Variants in KAT2B observed in about 807,000 individuals in gnomAD.
KAT2B encodes the protein histone acetyltransferase KAT2B.
KAT2B carries 36 observed loss-of-function variants against 105.9 expected under a neutral mutation model. The ratio of observed to expected loss-of-function variants is 0.34; its 90% confidence interval spans 0.26 to 0.45. The LOEUF is 0.45. Among genes scored for constraint, KAT2B ranks in the 20% least tolerant of loss-of-function variants. The pLI is 1.00. For synonymous variants in KAT2B, 397 were observed against 377.9 expected (o/e 1.05, Z -0.59); for missense variants, 820 against 1,021.6 (o/e 0.80, Z 2.69).
chr3:20,044,676 C>T (rs537051508), intron 1 of KAT2B, among the ~76,000 whole-genome samples: 3 of 152,258 alleles, frequency 2.0e-5, no homozygotes, highest in African/African-American at 7.2e-5. Context: ...AACTCCCAAC[C>T]CTTCCTATAG....
intron 2 of KAT2B, among the ~76,000 whole-genome samples, chr3:20,083,588 TG>T (rs1293579454): frequency 6.6e-6 from 1 of 152,196 alleles, no homozygotes; most frequent in Non-Finnish European, 1.5e-5. Flanking sequence ...TCTCTGGATC[TG>T]GTAGAGATGG....
chr3:20,065,396 T>G (rs1469095073), intron 1 of KAT2B, among the ~76,000 whole-genome samples: 1 of 152,162 alleles, frequency 6.6e-6, no homozygotes, highest in Non-Finnish European at 1.5e-5. Flanking sequence ...CATGCCTAAT[T>G]AAGGAGAGAC....
chr3:20,043,727 TTAA>T (rs746135373), intron 1 of KAT2B, among the ~76,000 whole-genome samples: 2 of 125,508 alleles, frequency 1.6e-5, no homozygotes, highest in South Asian at 4.9e-4. Context: ...TTTGCTTTTT[TTAA>T]AAAAAAAAAA....
At chr3:20,086,538 C>T (rs571538766) in intron 2 of KAT2B, among the ~76,000 whole-genome samples, 51 of 152,284 alleles carry the variant, frequency 3.3e-4, no homozygotes, top group Middle Eastern at 3.4e-3. Context: ...GAGGTCAAGG[C>T]TGCAGTGAGC....
rs1433554615 is a variant in KAT2B, at chr3:20,126,125, T to G, written c.1622+12T>G. 1 of 1,565,944 alleles carries G rather than the reference T, an allele frequency of 6.4e-7. No homozygotes were observed. Among genetic ancestry groups the G allele is most frequent in the Non-Finnish European group, 8.7e-7 (1 of 1,151,758 alleles). Reference sequence around the variant, plus strand: ...CTCGTCTTTGACCCGTAAGTGGTACTTTCTGTTCCTTCTTCCTTATTTCCT... The same window carrying G: ...CTCGTCTTTGACCCGTAAGTGGTACGTTCTGTTCCTTCTTCCTTATTTCCT... On this transcript the variant is annotated intron_variant, in intron 10 of 17. Coordinates refer to ENST00000263754, the MANE Select transcript of KAT2B (RefSeq NM_003884.5).
At chr3:20,139,308 C>T (rs1377983217) in intron 12 of KAT2B, among the ~76,000 whole-genome samples, 1 of 151,932 alleles carries the variant, frequency 6.6e-6, no homozygotes, top group African/African-American at 2.4e-5. Context: ...ATTATCTTCT[C>T]ATTGTTTGAG....
intron 1 of KAT2B, among the ~76,000 whole-genome samples, chr3:20,042,394 G>A (rs967010985): frequency 2.6e-5 from 4 of 152,310 alleles, no homozygotes; most frequent in East Asian, 1.9e-4. Context: ...GACACCGACT[G>A]TAGTAGGCAG....
Position 20,111,807 on chromosome 3 carries a change from G to A in KAT2B, c.1043+20G>A. 6.3e-7 allele frequency: 1 copy of A among 1,597,744 alleles called. No homozygotes were observed. Among genetic ancestry groups the A allele is most frequent in the Non-Finnish European group, 8.5e-7 (1 of 1,170,568 alleles). On this transcript the variant is annotated intron_variant, in intron 6 of 17. Coordinates refer to ENST00000263754, the MANE Select transcript of KAT2B (RefSeq NM_003884.5). Reference sequence around the variant, plus strand: ...CCCAAAGTAAGGGAGAGTTTTTGCTGGTCTTTGTTTGATCCCAGAGCTTGA... The same window carrying A: ...CCCAAAGTAAGGGAGAGTTTTTGCTAGTCTTTGTTTGATCCCAGAGCTTGA...
At chr3:20,077,149 T>C (rs1460740119) in intron 2 of KAT2B, among the ~76,000 whole-genome samples, 4 of 152,138 alleles carry the variant, frequency 2.6e-5, no homozygotes, top group Admixed American at 6.5e-5. Context: ...TCTGATCAAG[T>C]AGAAAGAACA....
chr3:20,123,361 GT>G (rs1349330933), intron 9 of KAT2B, among the ~76,000 whole-genome samples: 2 of 151,910 alleles, frequency 1.3e-5, no homozygotes, highest in Non-Finnish European at 2.9e-5. Flanking sequence ...ATTTAGCCTG[GT>G]TACAATATTT....
At chr3:20,122,610 A>G in intron 8 of KAT2B, 58 bp from the exon 9 acceptor site, 3 of 1,363,404 alleles carry the variant, frequency 2.2e-6, no homozygotes, top group Non-Finnish European at 3.1e-6. Context: ...GTTGGCGTGT[A>G]TTATTTGTTT....
Position 20,111,654 on chromosome 3 carries a change from A to G in KAT2B, c.910A>G (p.Thr304Ala). ...CGACAGTCTACCTCGGTACGAAACCACACAGGTGTTTGGGAGAACATTGCT... is the reference window on the plus strand; with the variant it reads ...CGACAGTCTACCTCGGTACGAAACCGCACAGGTGTTTGGGAGAACATTGCT... The part of the protein sequence containing the change: ...FCDSLPRYET[T>A]QVFGRTLLRS... The change falls in exon 6 of 18, where the codon ACA becomes GCA. Residue 304 changes from threonine (T) to alanine (A), a missense_variant. Transcript: ENST00000263754. 1 of 1,614,070 alleles carries G rather than the reference A, an allele frequency of 6.2e-7. No homozygotes were observed. Among genetic ancestry groups the G allele is most frequent in the South Asian group, 1.1e-5 (1 of 91,086 alleles).
chr3:20,073,278 G>A (rs1284551624), intron 2 of KAT2B, among the ~76,000 whole-genome samples: 1 of 152,090 alleles, frequency 6.6e-6, no homozygotes, highest in Non-Finnish European at 1.5e-5. Context: ...TTTGCTGTCC[G>A]TGACTGCAAG....
In KAT2B at chr3:20,095,270, T is replaced by C. The variant is rs781087719; in HGVS notation, c.438T>C (p.His146=). 1 of 1,611,976 alleles carries C rather than the reference T, an allele frequency of 6.2e-7. No homozygotes were observed. The highest frequency in any genetic ancestry group is 1.1e-5 in the South Asian group (1 of 90,742). The part of the protein sequence containing the change: ...CRSCSHALAA[H]VSHLENVSEE... Reference sequence around the variant, plus strand: ...CTTTGATCTTATCATAAGCTGCTCATGTTTCCCACCTGGAGAATGTGTCAG... The same window carrying C: ...CTTTGATCTTATCATAAGCTGCTCACGTTTCCCACCTGGAGAATGTGTCAG... The change falls in exon 3 of 18, where the codon CAT becomes CAC. Residue 146 remains histidine (H), a synonymous_variant. Coordinates refer to ENST00000263754, the MANE Select transcript of KAT2B (RefSeq NM_003884.5).
At chr3:20,110,668 G>T (rs1204871931) in intron 5 of KAT2B, among the ~76,000 whole-genome samples, 4 of 115,740 alleles carry the variant, frequency 3.5e-5, no homozygotes, top group African/African-American at 6.4e-5. Flanking sequence ...GTGAGACCCT[G>T]TCTCAAAAAA....
intron 2 of KAT2B, among the ~76,000 whole-genome samples, chr3:20,085,859 TTTAA>T (rs1698604819): frequency 1.3e-5 from 2 of 152,128 alleles, no homozygotes; most frequent in Admixed American, 6.6e-5. Context: ...TTAGAAACAA[TTTAA>T]TTGATTATTC....
intron 1 of KAT2B, among the ~76,000 whole-genome samples, chr3:20,064,126 A>C (rs1698185980): frequency 6.6e-6 from 1 of 152,210 alleles, no homozygotes; most frequent in African/African-American, 2.4e-5. Flanking sequence ...GTTACATCCC[A>C]CAAACACTGT....
chr3:20,045,040 G>A (rs369264551), intron 1 of KAT2B, among the ~76,000 whole-genome samples: 1 of 151,944 alleles, frequency 6.6e-6, no homozygotes, highest in East Asian at 1.9e-4. Flanking sequence ...TTTGAGACAG[G>A]GTCTCGCTCT....
chr3:20,120,866 A>T (rs1431670019), intron 8 of KAT2B, among the ~76,000 whole-genome samples: 1 of 152,102 alleles, frequency 6.6e-6, no homozygotes, highest in Non-Finnish European at 1.5e-5. Flanking sequence ...ACCTTATAAT[A>T]TAAGAAGTGC....
Sources: allele counts gnomAD v4.1 joint callset (sites outside exome capture counted in the v4.1 genomes callset), GRCh38; gene constraint gnomAD v4.1.1; transcripts MANE v1.5; gene names NCBI Gene and HGNC (gene_info 2026-07-23, HGNC 2026-07-21).